PLCXD3: variants seen among roughly 807,000 people sequenced by gnomAD.
PLCXD3 encodes the protein PI-PLC X domain-containing protein 3.
A neutral mutation model predicts 25.5 loss-of-function variants in PLCXD3; 19 were observed. The ratio of observed to expected loss-of-function variants is 0.75; its 90% CI spans 0.52 to 1.09. PLCXD3 has a LOEUF of 1.09. Among genes scored for constraint, PLCXD3 ranks in the 50% least tolerant of loss-of-function variants. The pLI, the probability that PLCXD3 is intolerant of heterozygous loss-of-function variation, is 0.00. For synonymous variants in PLCXD3, 174 were observed against 137.6 expected (o/e 1.26, Z -1.85); for missense variants, 411 against 388.1 (o/e 1.06, Z -0.50).
intron 2 of PLCXD3, among the ~76,000 whole-genome samples, chr5:41,318,058 A>G (rs1486863385): frequency 6.6e-6 from 1 of 152,162 alleles, no homozygotes; most frequent in Non-Finnish European, 1.5e-5. Flanking sequence ...CAGAAGGAAA[A>G]AAAACTTTTA....
In PLCXD3 at chr5:41,510,563, TCC is replaced by T; in HGVS notation, c.-39_-38del. Reference sequence around the variant, plus strand: ...GCGTGCAGCGCGCTGGTCCCAGCACTCCTCGGGCAGGCTGGCAGGCTGCTGCC... The same window carrying T: ...GCGTGCAGCGCGCTGGTCCCAGCACTTCGGGCAGGCTGGCAGGCTGCTGCC... On this transcript the variant is annotated 5_prime_UTR_variant, in exon 1 of 3. Coordinates refer to ENST00000377801, the MANE Select transcript of PLCXD3 (RefSeq NM_001005473.3). 1 of 1,554,534 alleles carries T rather than the reference TCC, an allele frequency of 6.4e-7. No individual in the cohort carries two copies. Among genetic ancestry groups the T allele is most frequent in the Non-Finnish European group, 8.8e-7 (1 of 1,131,248 alleles).
At chr5:41,388,278 A>C (rs1745703059) in intron 1 of PLCXD3, among the ~76,000 whole-genome samples, 1 of 152,106 alleles carries the variant, frequency 6.6e-6, no homozygotes, top group Admixed American at 6.6e-5. Flanking sequence ...TGTTCAAGGC[A>C]CTTACAATTA....
chr5:41,341,458 A>G (rs1744146600), intron 2 of PLCXD3, among the ~76,000 whole-genome samples: 3 of 152,208 alleles, frequency 2.0e-5, no homozygotes, highest in Admixed American at 1.3e-4. Flanking sequence ...ATACTCATGC[A>G]AATTTCAAAG....
intron 1 of PLCXD3, among the ~76,000 whole-genome samples, chr5:41,402,747 A>G (rs1469366714): frequency 6.6e-6 from 1 of 151,946 alleles, no homozygotes; most frequent in African/African-American, 2.4e-5. Context: ...ATTGTTTATA[A>G]GTACTATAAT....
chr5:41,481,102 T>TAA (rs554092157), intron 1 of PLCXD3, among the ~76,000 whole-genome samples: 1,471 of 72,800 alleles, frequency 0.02, 17 homozygotes, highest in African/African-American at 0.041. Flanking sequence ...ACCTAATTTG[T>TAA]AAAAAAAAAA....
At chr5:41,491,098 T>A (rs1458936715) in intron 1 of PLCXD3, among the ~76,000 whole-genome samples, 1 of 152,238 alleles carries the variant, frequency 6.6e-6, no homozygotes, top group Non-Finnish European at 1.5e-5. Context: ...CTCTACACAC[T>A]GCTTTGAATG....
intron 1 of PLCXD3, among the ~76,000 whole-genome samples, chr5:41,502,368 A>G (rs1027528425): frequency 6.6e-6 from 1 of 151,706 alleles, no homozygotes; most frequent in African/African-American, 2.4e-5. Flanking sequence ...ATAGGATAAA[A>G]TTATGTGTCT....
intron 2 of PLCXD3, among the ~76,000 whole-genome samples, chr5:41,335,219 T>A (rs928144378): frequency 6.6e-6 from 1 of 152,184 alleles, no homozygotes; most frequent in African/African-American, 2.4e-5. Context: ...TTCCCTTCTT[T>A]GGAAAAATTT....
chr5:41,493,731 C>G (rs1012838973), intron 1 of PLCXD3, among the ~76,000 whole-genome samples: 6 of 152,196 alleles, frequency 3.9e-5, no homozygotes, highest in African/African-American at 1.4e-4. Flanking sequence ...CATTTAGGAC[C>G]CTCCGAGCCA....
intron 2 of PLCXD3, among the ~76,000 whole-genome samples, chr5:41,318,640 A>G (rs1290142866): frequency 2.0e-5 from 3 of 152,180 alleles, no homozygotes; most frequent in Non-Finnish European, 4.4e-5. Context: ...ATCACCAGGT[A>G]AAGTCAACTT....
Position 41,312,095 on chromosome 5 carries a change from T to C in PLCXD3, c.*1522A>G, listed in dbSNP as rs1223629547. 6.6e-6 allele frequency: 1 copy of C among 152,406 alleles called. No individual in the cohort carries two copies. Among genetic ancestry groups the C allele is most frequent in the Non-Finnish European group, 1.5e-5 (1 of 68,006 alleles). The allele number at this position is 152,406 out of a possible 1,614,324, so 9.4% of individuals were successfully genotyped here. A position where few individuals can be genotyped will look rare whatever the true frequency, so the allele number is the denominator to read the frequency against. On this transcript the variant is annotated 3_prime_UTR_variant, in exon 3 of 3. Coordinates refer to ENST00000377801, the MANE Select transcript of PLCXD3 (RefSeq NM_001005473.3). Reference sequence around the variant, plus strand: ...GGCAAGGATTATTGTGCTCTAAGTTTTTTTTTTTTATTTTTTAGAGTTGTC... The same window carrying C: ...GGCAAGGATTATTGTGCTCTAAGTTCTTTTTTTTTATTTTTTAGAGTTGTC...
At chr5:41,492,031 G>C (rs200942217) in intron 1 of PLCXD3, among the ~76,000 whole-genome samples, 1 of 121,616 alleles carries the variant, frequency 8.2e-6, no homozygotes, top group Non-Finnish European at 1.8e-5. Flanking sequence ...TCCTAGCCTC[G>C]ATGGTCTTTA....
At chr5:41,316,252 C>G (rs1743288662) in intron 2 of PLCXD3, among the ~76,000 whole-genome samples, 1 of 152,056 alleles carries the variant, frequency 6.6e-6, no homozygotes, top group East Asian at 1.9e-4. Context: ...CTAGACACAC[C>G]CTGGGCCAGA....
rs985922563 is a variant in PLCXD3, at chr5:41,418,056, C to T, written c.104-35522G>A. The stretch of plus-strand genomic sequence containing the variant: ...AATAATCCAACAAAACATGTAATTG[C>T]CTCTTTGTTAGGGGAAAAAAATTGT... On this transcript the variant is annotated intron_variant, in intron 1 of 2. Transcript: ENST00000377801. Among the ~76,000 whole-genome samples the T allele has an allele frequency of 3.3e-5, 5 of 152,022 alleles. No individual in the cohort carries two copies. The East Asian group carries it at 5.8e-4, about 18-fold the overall frequency.
chr5:41,316,520 C>T (rs1743298634), intron 2 of PLCXD3, among the ~76,000 whole-genome samples: 1 of 152,194 alleles, frequency 6.6e-6, no homozygotes, highest in Non-Finnish European at 1.5e-5. Flanking sequence ...TTGGTACCAA[C>T]ACTGCCATGG....
At chr5:41,348,780 G>A (rs1744372751) in intron 2 of PLCXD3, among the ~76,000 whole-genome samples, 1 of 152,110 alleles carries the variant, frequency 6.6e-6, no homozygotes, top group Non-Finnish European at 1.5e-5. Flanking sequence ...AGCAAGACCT[G>A]CAGCTGATAC....
At position 41,307,582 on chromosome 5, in the gene PLCXD3, A is replaced by T. The variant is rs1331504929; in HGVS notation, c.*6035T>A. Reference sequence around the variant, plus strand: ...GGTGATAGCTGCATGTCAGGGTCAGATTCTATCCCCTACTTGCGCCTGCCT... The same window carrying T: ...GGTGATAGCTGCATGTCAGGGTCAGTTTCTATCCCCTACTTGCGCCTGCCT... On this transcript the variant is annotated 3_prime_UTR_variant, in exon 3 of 3. Transcript: ENST00000377801. 1 of 152,168 alleles carries T rather than the reference A, an allele frequency of 6.6e-6. No individual in the cohort carries two copies. The highest frequency in any genetic ancestry group is 1.5e-5 in the Non-Finnish European group (1 of 68,104). The allele number at this position is 152,168 out of a possible 1,614,324, so 9.4% of individuals were successfully genotyped here.
rs534388011 is a variant in PLCXD3, at chr5:41,391,896, C to T, written c.104-9362G>A. Among the ~76,000 whole-genome samples, 8 of 152,238 alleles carry T rather than the reference C, an allele frequency of 5.3e-5. No homozygotes were observed. In the South Asian group the frequency reaches 1.7e-3, roughly 32 times the overall value. On this transcript the variant is annotated intron_variant, in intron 1 of 2. Transcript: ENST00000377801. ...TAAGGGAACATAGGCCTTAAGGGAA[C>T]ACCAGCAATAGTGTGGCAGTACTCC...
chr5:41,376,258 G>A (rs181808452), intron 2 of PLCXD3, among the ~76,000 whole-genome samples: 123 of 152,148 alleles, frequency 8.1e-4, no homozygotes, highest in African/African-American at 2.9e-3. Context: ...CTGTCAGTAG[G>A]GCTGAAGTCA....
Sources: allele counts gnomAD v4.1 joint callset (sites outside exome capture counted in the v4.1 genomes callset), GRCh38; gene constraint gnomAD v4.1.1; transcripts MANE v1.5; gene names NCBI Gene and HGNC (gene_info 2026-07-23, HGNC 2026-07-21).